The following ADGRL3 variants were observed in gnomAD, a reference collection of about 807,000 sequenced individuals.
ADGRL3 encodes adhesion G protein-coupled receptor L3, also known as calcium-independent alpha-latrotoxin receptor 3.
ADGRL3 carries 62 observed loss-of-function variants against 153.5 expected under a neutral mutation model. The ratio of observed to expected loss-of-function variants is 0.40; its 90% confidence interval spans 0.33 to 0.50. ADGRL3 has a LOEUF of 0.50. ADGRL3 is among the 20% of genes least tolerant of loss of function. ADGRL3 has a pLI of 0.47. For missense variants in ADGRL3, 1,641 were observed against 1,859.4 expected, an observed-to-expected ratio of 0.88 and a Z score of 2.16; for synonymous variants, 710 against 672.5, an observed-to-expected ratio of 1.06 and a Z score of -0.86.
intron 5 of ADGRL3, among the ~76,000 whole-genome samples, chr4:61,669,571 T>C (rs1205432509): frequency 1.3e-5 from 2 of 152,208 alleles, no homozygotes; most frequent in African/African-American, 2.4e-5. Flanking sequence ...TTACAAGATA[T>C]CTGTAAAATA....
chr4:61,369,840 C>T (rs953347170), intron 1 of ADGRL3, among the ~76,000 whole-genome samples: 4 of 152,158 alleles, frequency 2.6e-5, no homozygotes, highest in Admixed American at 6.5e-5. Context: ...TAGAATTCGG[C>T]TGTGAATCCA....
At position 62,071,044 on chromosome 4, in the gene ADGRL3, A is replaced by T; in HGVS notation, c.*136A>T. 1.3e-6 allele frequency: 1 copy of T among 789,152 alleles called. No homozygotes were observed. Among genetic ancestry groups the T allele is most frequent in the Non-Finnish European group, 1.9e-6 (1 of 520,344 alleles). The allele number at this position is 789,152 out of a possible 1,614,324, so 48.9% of individuals were successfully genotyped here. A position where few individuals can be genotyped will look rare whatever the true frequency, so the allele number is the denominator to read the frequency against. ...TCTAAAGACAAACACAAACTCTCAG[A>T]CTTTTTTTTTTTTAATGGGATTTTT... On this transcript the variant is annotated 3_prime_UTR_variant, in exon 27 of 27. Coordinates refer to ENST00000683033, the MANE Select transcript of ADGRL3 (RefSeq NM_001387552.1).
intron 3 of ADGRL3, among the ~76,000 whole-genome samples, chr4:61,498,475 G>T (rs1018937212): frequency 6.6e-6 from 1 of 151,944 alleles, no homozygotes; most frequent in African/African-American, 2.4e-5. Context: ...GCGTAAACCC[G>T]GGAGGCAAAG....
chr4:62,040,632 A>G (rs1727740167), intron 24 of ADGRL3, among the ~76,000 whole-genome samples: 1 of 152,128 alleles, frequency 6.6e-6, no homozygotes, highest in Non-Finnish European at 1.5e-5. Context: ...ATATAATGCC[A>G]TCAATCTTCT....
At chr4:61,887,040 T>G (rs1213896799) in intron 9 of ADGRL3, among the ~76,000 whole-genome samples, 1 of 151,714 alleles carries the variant, frequency 6.6e-6, no homozygotes, top group Non-Finnish European at 1.5e-5. Context: ...TATTTTTTTA[T>G]TTTTAGTAGA....
chr4:61,353,690 C>G (rs879758817), intron 1 of ADGRL3, among the ~76,000 whole-genome samples: 2 of 149,676 alleles, frequency 1.3e-5, no homozygotes, highest in African/African-American at 2.5e-5. Context: ...ATCCTCCTGC[C>G]TTGACCTCCC....
At chr4:61,807,377 AGATATTT>A (rs2097563795) in intron 8 of ADGRL3, among the ~76,000 whole-genome samples, 1 of 151,552 alleles carries the variant, frequency 6.6e-6, no homozygotes, top group Admixed American at 6.6e-5. Context: ...TTGCTACAAT[AGATATTT>A]GAGACGTCAT....
At chr4:61,319,130 A>G (rs2095301116) in intron 1 of ADGRL3, among the ~76,000 whole-genome samples, 1 of 152,178 alleles carries the variant, frequency 6.6e-6, no homozygotes, top group Admixed American at 6.5e-5. Flanking sequence ...GTACACTGAA[A>G]TAGTGCCTTA....
chr4:61,510,754 T>C (rs1487399283), intron 3 of ADGRL3, among the ~76,000 whole-genome samples: 1 of 152,188 alleles, frequency 6.6e-6, no homozygotes, highest in Non-Finnish European at 1.5e-5. Context: ...TCTTTTTTGA[T>C]TCCACAGGAA....
At chr4:61,863,231 C>CTTTTTTTTTTTTTTT (rs1189171329) in intron 9 of ADGRL3, among the ~76,000 whole-genome samples, 1 of 80,906 alleles carries the variant, frequency 1.2e-5, no homozygotes, top group Non-Finnish European at 2.2e-5. Context: ...GGGCATCATT[C>CTTTTTTTTTTTTTTT]TTTTTTTTTT....
intron 2 of ADGRL3, among the ~76,000 whole-genome samples, chr4:61,392,118 C>T (rs1375076976): frequency 6.6e-6 from 1 of 151,216 alleles, no homozygotes; most frequent in Non-Finnish European, 1.5e-5. Flanking sequence ...ATCCACCCGC[C>T]TGGGCCTCCC....
chr4:61,310,962 C>G (rs2094978866), intron 1 of ADGRL3, among the ~76,000 whole-genome samples: 1 of 151,444 alleles, frequency 6.6e-6, no homozygotes, highest in Admixed American at 6.6e-5. Context: ...TCTTAGGTGC[C>G]TTATATTGCT....
intron 3 of ADGRL3, among the ~76,000 whole-genome samples, chr4:61,501,986 G>A (rs2098391459): frequency 6.6e-6 from 1 of 152,092 alleles, no homozygotes; most frequent in Admixed American, 6.6e-5. Context: ...ATAATGCAAT[G>A]AGACCTGGCA....
At chr4:61,471,704 TCA>T (rs1347352994) in intron 2 of ADGRL3, among the ~76,000 whole-genome samples, 1 of 152,030 alleles carries the variant, frequency 6.6e-6, no homozygotes, top group African/African-American at 2.4e-5. Context: ...TTCTATTTTC[TCA>T]GTTTCTGACA....
At chr4:61,228,160 G>T (rs1025398058) in intron 1 of ADGRL3, among the ~76,000 whole-genome samples, 6 of 152,088 alleles carry the variant, frequency 3.9e-5, no homozygotes, top group Admixed American at 3.9e-4. Context: ...ATGTAAAGTT[G>T]GTAAGTTTTG....
chr4:61,952,760 C>T (rs764201516), intron 17 of ADGRL3, among the ~76,000 whole-genome samples: 2 of 152,136 alleles, frequency 1.3e-5, no homozygotes, highest in Non-Finnish European at 2.9e-5. Flanking sequence ...TGAGATTCTA[C>T]ATTCTAGCCT....
intron 5 of ADGRL3, among the ~76,000 whole-genome samples, chr4:61,617,384 C>A (rs1397939408): frequency 6.6e-6 from 1 of 152,034 alleles, no homozygotes; most frequent in Non-Finnish European, 1.5e-5. Flanking sequence ...ACATTTTCTT[C>A]ACTGTACCTT....
chr4:61,924,547 CA>C (rs1315880192), intron 13 of ADGRL3, among the ~76,000 whole-genome samples: 1 of 152,168 alleles, frequency 6.6e-6, no homozygotes, highest in Non-Finnish European at 1.5e-5. Flanking sequence ...ACTGAATTCC[CA>C]GTCTTCACTT....
At chr4:61,354,755 A>G (rs2096128839) in intron 1 of ADGRL3, among the ~76,000 whole-genome samples, 1 of 152,152 alleles carries the variant, frequency 6.6e-6, no homozygotes, top group African/African-American at 2.4e-5. Context: ...AGCATGATTT[A>G]TTAGTAATTC....
Sources: allele counts gnomAD v4.1 joint callset (sites outside exome capture counted in the v4.1 genomes callset), GRCh38; gene constraint gnomAD v4.1.1; transcripts MANE v1.5; gene names NCBI Gene and HGNC (gene_info 2026-07-23, HGNC 2026-07-21).